The following GCSAML variants were observed in gnomAD, a reference collection of about 807,000 sequenced individuals.
GCSAML encodes germinal center associated signaling and motility like, also known as germinal center-associated signaling and motility-like protein.
In GCSAML, 9 loss-of-function variants were observed where a neutral mutation model predicts 13.0. That is an observed-to-expected ratio of 0.69 (90% CI 0.42 to 1.21). GCSAML has a LOEUF of 1.21. Among genes scored for constraint, GCSAML ranks in the 50% most tolerant of loss-of-function variants. The pLI, the probability that GCSAML is intolerant of heterozygous loss-of-function variation, is 0.00. For synonymous variants in GCSAML, 37 were observed against 52.9 expected (o/e 0.70, Z 1.31); for missense variants, 143 against 153.4 (o/e 0.93, Z 0.36).
intron 2 of GCSAML, among the ~76,000 whole-genome samples, chr1:247,542,201 A>G (rs1285480090): frequency 6.6e-6 from 1 of 152,184 alleles, no homozygotes; most frequent in East Asian, 1.9e-4. Flanking sequence ...ATTTGAGCCC[A>G]GGAGTTCTAA....
At chr1:247,569,403 T>C (rs1019485487) in intron 4 of GCSAML, among the ~76,000 whole-genome samples, 1 of 152,202 alleles carries the variant, frequency 6.6e-6, no homozygotes, top group African/African-American at 2.4e-5. Flanking sequence ...TTATTGAGTG[T>C]TCTTAGCATG....
At chr1:247,565,583 A>G (rs1254440943) in intron 3 of GCSAML, 2 of 203,496 alleles carry the variant, frequency 9.8e-6, no homozygotes, top group African/African-American at 4.6e-5. Context: ...AGCTATAATC[A>G]TTCTTTCTTT....
chr1:247,533,326 C>T (rs898528614), intron 2 of GCSAML, among the ~76,000 whole-genome samples: 4 of 152,220 alleles, frequency 2.6e-5, no homozygotes, highest in African/African-American at 7.2e-5. Flanking sequence ...CCTTCTTGTC[C>T]GTGGCCCCTC....
chr1:247,508,559 T>C (rs1193041861), intron 1 of GCSAML, among the ~76,000 whole-genome samples: 3 of 152,232 alleles, frequency 2.0e-5, no homozygotes, highest in Non-Finnish European at 4.4e-5. Flanking sequence ...CCATTGCTTT[T>C]AGTGTTTTAG....
At chr1:247,573,708 T>A (rs1375800620) in intron 4 of GCSAML, among the ~76,000 whole-genome samples, 1 of 152,180 alleles carries the variant, frequency 6.6e-6, no homozygotes, top group Non-Finnish European at 1.5e-5. Context: ...TTTAAAGTAG[T>A]TTTTTCTAGT....
At chr1:247,561,382 T>C (rs1366574726) in intron 2 of GCSAML, among the ~76,000 whole-genome samples, 2 of 152,208 alleles carry the variant, frequency 1.3e-5, no homozygotes, top group Admixed American at 1.3e-4. Flanking sequence ...ACACCAATCT[T>C]TTATTTGTCT....
At chr1:247,573,246 G>T (rs1668695770) in intron 4 of GCSAML, among the ~76,000 whole-genome samples, 1 of 152,168 alleles carries the variant, frequency 6.6e-6, no homozygotes, top group Non-Finnish European at 1.5e-5. Context: ...CTAGCTTGGT[G>T]TCTGCTCAAA....
intron 4 of GCSAML, among the ~76,000 whole-genome samples, chr1:247,568,707 T>C (rs1277517693): frequency 9.9e-5 from 15 of 152,184 alleles, no homozygotes; most frequent in Admixed American, 9.8e-4. Flanking sequence ...TTTCTAATTA[T>C]GTGAAGAAAG....
chr1:247,513,596 G>A (rs1354983253), intron 1 of GCSAML, among the ~76,000 whole-genome samples: 1 of 152,158 alleles, frequency 6.6e-6, no homozygotes, highest in African/African-American at 2.4e-5. Context: ...CTGCCCAAAC[G>A]GCCATCCAGT....
At chr1:247,513,537 C>T (rs1173656862) in intron 1 of GCSAML, among the ~76,000 whole-genome samples, 1 of 152,210 alleles carries the variant, frequency 6.6e-6, no homozygotes, top group African/African-American at 2.4e-5. Context: ...TGCTGGCATT[C>T]CAGGCGCCAC....
At chr1:247,514,398 G>A (rs1223597464) in intron 1 of GCSAML, among the ~76,000 whole-genome samples, 1 of 152,158 alleles carries the variant, frequency 6.6e-6, no homozygotes, top group African/African-American at 2.4e-5. Flanking sequence ...TATAGATTGT[G>A]AAGATTTTCT....
chr1:247,572,292 G>T (rs1188316009), intron 4 of GCSAML, among the ~76,000 whole-genome samples: 2 of 152,050 alleles, frequency 1.3e-5, no homozygotes, highest in Non-Finnish European at 1.5e-5. Flanking sequence ...TCTGGTATTT[G>T]GAATTTTCAG....
At chr1:247,509,696 G>C (rs535878406) in intron 1 of GCSAML, among the ~76,000 whole-genome samples, 3 of 152,248 alleles carry the variant, frequency 2.0e-5, no homozygotes, top group South Asian at 4.1e-4. Flanking sequence ...AGTTTATTGA[G>C]AGTTTTTTGC....
chr1:247,524,733 CACAAAGGAA>C (rs1024129150), intron 1 of GCSAML: 1 of 150,602 alleles, frequency 6.6e-6, no homozygotes, highest in Admixed American at 6.6e-5. Flanking sequence ...ACTTTTGTAC[CACAAAGGAA>C]ACAAACAAAA....
At chr1:247,520,527 C>CAA (rs1491331503) in intron 1 of GCSAML, among the ~76,000 whole-genome samples, 4 of 23,268 alleles carry the variant, frequency 1.7e-4, no homozygotes, top group Non-Finnish European at 3.3e-4. Flanking sequence ...CCCACCTCTT[C>CAA]ACACACACAC....
At chr1:247,530,799 G>C in intron 2 of GCSAML, 1 of 7,518 alleles carries the variant, frequency 1.3e-4, no homozygotes, top group South Asian at 0.01. Flanking sequence ...ACGTGGACCT[G>C]CCGGCCGCCT....
At chr1:247,531,532 A>C in intron 2 of GCSAML, 1 of 1,605,628 alleles carries the variant, frequency 6.2e-7, no homozygotes, top group Non-Finnish European at 8.5e-7. Flanking sequence ...CTTCCTTCTC[A>C]GAAGGCACTG....
upstream of GCSAML, among the ~76,000 whole-genome samples, chr1:247,548,546 A>G (rs141782896): frequency 5.3e-5 from 8 of 152,324 alleles, no homozygotes; most frequent in East Asian, 1.2e-3. This position sits in a 1 kb window ranked among gnomAD's most constrained non-coding sequence, Gnocchi z 5.3. Flanking sequence ...CCTCTGAGGA[A>G]AGGCTATTGA....
At chr1:247,537,747 C>G (rs1457402738) in intron 2 of GCSAML, among the ~76,000 whole-genome samples, 1 of 152,018 alleles carries the variant, frequency 6.6e-6, no homozygotes, top group African/African-American at 2.4e-5. Context: ...TTCCCAGCAG[C>G]TAATAATGTT....
Sources: gnomAD v4.1 joint callset for allele counts (sites outside exome capture counted in the v4.1 genomes callset) on GRCh38, gnomAD v4.1.1 for gene constraint, Gnocchi (gnomAD v3.1) non-coding constraint, MANE v1.5 for transcripts, NCBI Gene and HGNC (gene_info 2026-07-23, HGNC 2026-07-21) for gene names.